Variants in CSMD1 observed in about 807,000 individuals in gnomAD.
CSMD1 encodes the protein CUB and sushi domain-containing protein 1.
CSMD1 carries 213 observed loss-of-function variants against 417.5 expected under a neutral mutation model. The observed-to-expected ratio is 0.51, with a 90% confidence interval of 0.46 to 0.57. The LOEUF (loss-of-function observed/expected upper bound fraction) is 0.57. CSMD1 is among the 20% of genes least tolerant of loss of function. CSMD1 has a pLI of 0.00. For synonymous variants in CSMD1, 2,862 were observed against 1,736.8 expected, an observed-to-expected ratio of 1.65 and a Z score of -16.11; for missense variants, 6,923 against 4,529.7, an observed-to-expected ratio of 1.53 and a Z score of -15.17.
At chr8:3,936,924 T>C (rs1458415897) in intron 5 of CSMD1, among the ~76,000 whole-genome samples, 2 of 152,186 alleles carry the variant, frequency 1.3e-5, no homozygotes, top group African/African-American at 4.8e-5. Flanking sequence ...AGAATGTTTG[T>C]GATTCATGGG....
intron 2 of CSMD1, among the ~76,000 whole-genome samples, chr8:4,505,906 C>G (rs890454045): frequency 4.6e-5 from 7 of 151,968 alleles, no homozygotes; most frequent in Non-Finnish European, 8.8e-5. Context: ...TCAAGCAATT[C>G]TCATGCCTCA....
chr8:3,753,770 C>G (rs1186526861), intron 6 of CSMD1, among the ~76,000 whole-genome samples, 160 bp downstream of exon 6: 1 of 152,168 alleles, frequency 6.6e-6, no homozygotes. Context: ...CTAATAAGTT[C>G]CCAGCTGTCG....
At chr8:3,565,449 T>C (rs894237987) in intron 10 of CSMD1, among the ~76,000 whole-genome samples, 1 of 152,212 alleles carries the variant, frequency 6.6e-6, no homozygotes, top group Non-Finnish European at 1.5e-5. Context: ...CACCAATCCG[T>C]GAATCGCCTC....
At position 3,621,605 on chromosome 8, in the gene CSMD1, T is replaced by G. The variant is rs368267178; in HGVS notation, c.1010-4808A>C. 6.4e-4 allele frequency among the ~76,000 whole-genome samples: 97 copies of G among 152,186 alleles called. No homozygotes were observed. In the East Asian group the frequency reaches 0.014, roughly 22 times the overall value. ...CTTTTCTTTTCTTACTTTTTTTTCT[T>G]TTTTTGAGACAGAATCTTGTTCTGT... On this transcript the variant is annotated intron_variant, in intron 7 of 69. Coordinates refer to ENST00000635120, the MANE Select transcript of CSMD1 (RefSeq NM_033225.6).
intron 12 of CSMD1, among the ~76,000 whole-genome samples, chr8:3,420,059 G>A (rs1033988845): frequency 6.6e-6 from 1 of 152,118 alleles, no homozygotes; most frequent in African/African-American, 2.4e-5. Context: ...GGTATATTAA[G>A]TTCTATCTCT....
At chr8:4,026,687 T>C (rs978240049) in intron 4 of CSMD1, among the ~76,000 whole-genome samples, 1 of 152,282 alleles carries the variant, frequency 6.6e-6, no homozygotes, top group Admixed American at 6.5e-5. Context: ...AAAATAGCAA[T>C]CAGACAAATG....
intron 2 of CSMD1, among the ~76,000 whole-genome samples, chr8:4,449,496 G>C (rs990536105): frequency 1.3e-5 from 2 of 152,148 alleles, no homozygotes; most frequent in Non-Finnish European, 2.9e-5. Flanking sequence ...GTAATATGAA[G>C]TTACTTGTCA....
intron 51 of CSMD1, among the ~76,000 whole-genome samples, chr8:3,022,082 G>C (rs923467698): frequency 7.0e-6 from 1 of 143,604 alleles, no homozygotes; most frequent in African/African-American, 2.6e-5. Context: ...CACAGCATCC[G>C]GAATACACCC....
chr8:3,743,890 G>A (rs1250458368), intron 6 of CSMD1, among the ~76,000 whole-genome samples: 5 of 152,122 alleles, frequency 3.3e-5, no homozygotes, highest in East Asian at 1.9e-4. Context: ...CAGATTCCCT[G>A]CCTTTTCCTC....
intron 2 of CSMD1, among the ~76,000 whole-genome samples, chr8:4,449,186 T>C (rs1798986762): frequency 6.6e-6 from 1 of 151,976 alleles, no homozygotes; most frequent in Admixed American, 6.6e-5. Flanking sequence ...GCAAGTACAT[T>C]CTTCTACAAT....
At chr8:2,947,297 C>T (rs546753714) in intron 68 of CSMD1, among the ~76,000 whole-genome samples, 114 of 152,196 alleles carry the variant, frequency 7.5e-4, no homozygotes, top group African/African-American at 2.4e-3. Context: ...ATGACAATCA[C>T]GTTTTTTGGT....
At chr8:4,484,354 A>G (rs887898858) in intron 2 of CSMD1, among the ~76,000 whole-genome samples, 1 of 152,112 alleles carries the variant, frequency 6.6e-6, no homozygotes, top group African/African-American at 2.4e-5. Context: ...AGAGAAAGAG[A>G]AAGGTGGGGT....
At chr8:3,401,138 T>C (rs574420379) in intron 15 of CSMD1, among the ~76,000 whole-genome samples, 2 of 152,050 alleles carry the variant, frequency 1.3e-5, no homozygotes, top group South Asian at 4.1e-4. Context: ...GTTAAATATA[T>C]AACTTTTATT....
intron 3 of CSMD1, among the ~76,000 whole-genome samples, chr8:4,312,746 T>C (rs573707704): frequency 4.6e-5 from 7 of 152,162 alleles, no homozygotes; most frequent in African/African-American, 1.4e-4. Flanking sequence ...TGGTGGCAGA[T>C]ACCTGTAATC....
intron 2 of CSMD1, among the ~76,000 whole-genome samples, chr8:4,591,852 G>A (rs573958248): frequency 6.6e-6 from 1 of 152,168 alleles, no homozygotes; most frequent in African/African-American, 2.4e-5. Flanking sequence ...ACAAGGCAGA[G>A]GGGAGAAAGT....
intron 12 of CSMD1, among the ~76,000 whole-genome samples, chr8:3,414,117 T>C (rs981190462): frequency 6.4e-5 from 9 of 141,092 alleles, no homozygotes; most frequent in Non-Finnish European, 1.2e-4. Context: ...CCAGCCTGTG[T>C]GACAGAGCGA....
At chr8:3,216,368 A>G (rs1797881078) in intron 29 of CSMD1, among the ~76,000 whole-genome samples, 1 of 152,366 alleles carries the variant, frequency 6.6e-6, no homozygotes, top group Admixed American at 6.5e-5. Flanking sequence ...GATCTAGTGA[A>G]TAGAAGCATG....
intron 1 of CSMD1, among the ~76,000 whole-genome samples, chr8:4,690,062 T>C (rs1210510628): frequency 1.3e-5 from 2 of 152,202 alleles, no homozygotes; most frequent in Non-Finnish European, 2.9e-5. Context: ...TTGGTAACAT[T>C]ATACGGAGAA....
At chr8:4,755,804 T>A (rs1373179712) in intron 1 of CSMD1, among the ~76,000 whole-genome samples, 1 of 152,172 alleles carries the variant, frequency 6.6e-6, no homozygotes, top group Non-Finnish European at 1.5e-5. Context: ...TTTCCATTCT[T>A]AACGACACTA....
Sources: gnomAD v4.1 joint callset for allele counts (sites outside exome capture counted in the v4.1 genomes callset) on GRCh38, gnomAD v4.1.1 for gene constraint, MANE v1.5 for transcripts, NCBI Gene and HGNC (gene_info 2026-07-23, HGNC 2026-07-21) for gene names.